Variants in TNKS1BP1 observed in about 807,000 individuals in gnomAD.
TNKS1BP1 encodes 182 kDa tankyrase-1-binding protein.
Under a neutral mutation model 141.1 loss-of-function variants are expected in TNKS1BP1, and 48 were observed. That is an observed-to-expected ratio of 0.34 (90% CI 0.27 to 0.43). The LOEUF is 0.43. Among genes scored for constraint, TNKS1BP1 ranks in the 20% least tolerant of loss-of-function variants. The probability of loss-of-function intolerance (pLI) is 1.00; values close to 1 mark genes in which losing one functional copy is unlikely to be tolerated. For synonymous variants in TNKS1BP1, 875 were observed against 898.2 expected, an observed-to-expected ratio of 0.97 and a Z score of 0.46; for missense variants, 2,149 against 2,226.0, an observed-to-expected ratio of 0.97 and a Z score of 0.70.
At chr11:57,320,018 C>CCCCCCCA in intron 3 of TNKS1BP1, 61 bp downstream of exon 3, 2 of 1,185,434 alleles carry the variant, frequency 1.7e-6, no homozygotes, top group Non-Finnish European at 2.4e-6. Context: ...CCAGCCCCCA[C>CCCCCCCA]CCAATCCCAC....
rs764577456 is a variant in TNKS1BP1, at chr11:57,302,799, G to C, written c.4343C>G (p.Pro1448Arg). Residue 1448 changes from proline (P) to arginine (R), a missense_variant, in exon 7 of 12, where the codon CCA (proline) becomes CGA (arginine). By Grantham distance (103) the Pro-to-Arg change is moderately radical (BLOSUM62 -2). Transcript: ENST00000358252. The surrounding 1 kb of genome is among the most constrained non-coding windows in gnomAD (Gnocchi z 5.5). ...ASPGRCPARPPPSGSQGLLEE... is the reference protein window; with the variant it reads ...ASPGRCPARPRPSGSQGLLEE... ...CAGCAGGCCCTGGGAGCCGGAGGGT[G>C]GGGGGCGGGCCGGGCACCTGCCAGG... The C allele has an allele frequency of 3.3e-5, 51 of 1,545,780 alleles. 1 individual carries two copies. In the Middle Eastern group the frequency reaches 5.1e-4, roughly 15 times the overall value.
chr11:57,323,902 GC>G (rs986756769), intron 1 of TNKS1BP1, among the ~76,000 whole-genome samples: 1 of 152,202 alleles, frequency 6.6e-6, no homozygotes, highest in Non-Finnish European at 1.5e-5. Context: ...GGTATGAGGG[GC>G]TGCAGCAATG....
intron 2 of TNKS1BP1, 44 bp downstream of exon 2, chr11:57,321,748 A>ACCCCCCCCCCCCCCC: frequency 6.0e-6 from 4 of 670,020 alleles, no homozygotes; most frequent in Middle Eastern, 3.0e-4. Context: ...TGTCCTTCCC[A>ACCCCCCCCCCCCCCC]CCCCCCTCCC....
chr11:57,324,207 T>C (rs1342654100), intron 1 of TNKS1BP1, among the ~76,000 whole-genome samples: 1 of 152,048 alleles, frequency 6.6e-6, no homozygotes, highest in Non-Finnish European at 1.5e-5. Context: ...GATCCGAGGC[T>C]AGAGAGGTCG....
chr11:57,323,920 G>C (rs948160545), intron 1 of TNKS1BP1, among the ~76,000 whole-genome samples: 1 of 152,280 alleles, frequency 6.6e-6, no homozygotes, highest in East Asian at 1.9e-4. Flanking sequence ...AATGAAGGCG[G>C]GCTCAGAGTC....
Position 57,321,916 on chromosome 11 carries a change from G to C in TNKS1BP1, c.-31C>G. ...GCGGCAGACCCTCCTTGAGAGCGGGGAGGCAGAGAGGTATGAGCTGGGGTG... is the reference window on the plus strand; with the variant it reads ...GCGGCAGACCCTCCTTGAGAGCGGGCAGGCAGAGAGGTATGAGCTGGGGTG... On this transcript the variant is annotated 5_prime_UTR_variant, in exon 2 of 12. Transcript: ENST00000358252. 13 of 1,613,088 alleles carry C rather than the reference G, an allele frequency of 8.1e-6. No homozygotes were observed. The highest frequency in any genetic ancestry group is 2.2e-5 in the East Asian group (1 of 44,886).
chr11:57,301,952 G>T lies in TNKS1BP1; in HGVS notation c.4835-9C>A, dbSNP rs1461538766. On this transcript the variant is annotated splice_polypyrimidine_tract_variant and intron_variant, in intron 8 of 11. Transcript: ENST00000358252. ...CCGAGATGCCCGTGGCTCTGCAAAG[G>T]CCCGGGAAAGGGGCTCAGAAAAGGC... is the stretch of plus-strand genomic sequence containing the variant. 1.7e-5 allele frequency: 27 copies of T among 1,612,420 alleles called. No individual in the cohort carries two copies. Among genetic ancestry groups the T allele is most frequent in the Non-Finnish European group, 2.2e-5 (26 of 1,179,010 alleles).
At chr11:57,314,791 G>A (rs905145645) in intron 4 of TNKS1BP1, among the ~76,000 whole-genome samples, 1 of 152,068 alleles carries the variant, frequency 6.6e-6, no homozygotes, top group African/African-American at 2.4e-5. Flanking sequence ...CTCTGCAGAG[G>A]TCACACTTCC....
chr11:57,307,075 G>A (rs1343341605), intron 6 of TNKS1BP1, among the ~76,000 whole-genome samples: 2 of 152,160 alleles, frequency 1.3e-5, no homozygotes, highest in African/African-American at 2.4e-5. Flanking sequence ...GCTTCACAGA[G>A]CAGCTGTGAA....
At position 57,321,864 on chromosome 11, in the gene TNKS1BP1, C is replaced by A. The variant is rs1190128863; in HGVS notation, c.22G>T (p.Glu8Ter). 1 of 1,613,720 alleles carries A rather than the reference C, an allele frequency of 6.2e-7. No individual in the cohort carries two copies. The highest frequency in any genetic ancestry group is 1.3e-5 in the African/African-American group (1 of 74,886). Residue 8 changes from glutamate (E) to a stop codon, truncating the protein, a stop_gained, in exon 2 of 12, where the codon GAA (glutamate) becomes TAA (stop). Coordinates refer to ENST00000358252, the MANE Select transcript of TNKS1BP1 (RefSeq NM_033396.3). LOFTEE classifies it high-confidence loss of function. ...AGTGGGGAAGCCATGGCTGAGCTTT[C>A]CCTGAGAGTAGACACTTTCATCACA... MKVSTLR[E>*]SSAMASPLPR...
chr11:57,309,598 C>G lies in TNKS1BP1; in HGVS notation c.3113G>C (p.Gly1038Ala). The G allele has an allele frequency of 6.2e-7, 1 of 1,613,850 alleles. No homozygotes were observed. Among genetic ancestry groups the G allele is most frequent in the East Asian group, 2.2e-5 (1 of 44,878 alleles). The stretch of plus-strand genomic sequence containing the variant: ...GCTCTGGTCTCTCTGCCCGAGTGCC[C>G]CATCCGGCACGTGGGCAGTGCTAGG... ...FSPSTAHVPD[G>A]ALGQRDQSSW... Residue 1038 changes from glycine (G) to alanine (A), a missense_variant, in exon 6 of 12, where the codon GGG becomes GCG. Transcript: ENST00000358252. This position sits in a 1 kb window ranked among gnomAD's most constrained non-coding sequence, Gnocchi z 4.3.
chr11:57,307,361 G>A (rs1277273541), intron 6 of TNKS1BP1, among the ~76,000 whole-genome samples: 1 of 151,970 alleles, frequency 6.6e-6, no homozygotes, highest in African/African-American at 2.4e-5. Context: ...CCTGTGCTCC[G>A]TCACCACCCC....
In TNKS1BP1 at chr11:57,313,500, C is replaced by T. The variant is rs1293656465; in HGVS notation, c.1188G>A (p.Glu396=). Residue 396 remains glutamate (E), a synonymous_variant, in exon 5 of 12, where the codon GAG becomes GAA. Transcript: ENST00000358252. ...GAAACGTCCGAGTGAGATCCAGCAA[C>T]TCACCCACCTCGATCAGGGGCCGGG... is the stretch of plus-strand genomic sequence containing the variant. ...TSPRPLIEVG[E]LLDLTRTFPS... is the part of the protein sequence containing the mutation. The T allele has an allele frequency of 3.2e-6, 5 of 1,573,734 alleles. No individual in the cohort carries two copies. Among genetic ancestry groups the T allele is most frequent in the Non-Finnish European group, 2.6e-6 (3 of 1,158,768 alleles).
At position 57,312,850 on chromosome 11, in the gene TNKS1BP1, G is replaced by A; in HGVS notation, c.1838C>T (p.Pro613Leu). The change falls in exon 5 of 12, where the codon CCC (proline) becomes CTC (leucine). Residue 613 changes from proline to leucine, a missense_variant. Physicochemically the swap from Pro to Leu is moderately conservative, Grantham distance 98. Transcript: ENST00000358252. ...CTGCCCCAGGACTGGCTCCAGGATGGGCAAGGCTGCCTCCCTGGTAGCCAG... is the reference window on the plus strand; with the variant it reads ...CTGCCCCAGGACTGGCTCCAGGATGAGCAAGGCTGCCTCCCTGGTAGCCAG... ...LPLATREAAL[P>L]ILEPVLGQEQ... 1 of 1,610,446 alleles carries A rather than the reference G, an allele frequency of 6.2e-7. No individual in the cohort carries two copies. Among genetic ancestry groups the A allele is most frequent in the African/African-American group, 1.3e-5 (1 of 75,020 alleles).
chr11:57,310,066 C>T lies in TNKS1BP1; in HGVS notation c.2645G>A (p.Ser882Asn). The T allele has an allele frequency of 1.9e-6, 3 of 1,614,232 alleles. No individual in the cohort carries two copies. Among genetic ancestry groups the T allele is most frequent in the Non-Finnish European group, 2.5e-6 (3 of 1,180,030 alleles). Residue 882 changes from serine (S) to asparagine (N), a missense_variant, in exon 6 of 12, where the codon AGC becomes AAC. Physicochemically the swap from Ser to Asn is conservative, Grantham distance 46. Transcript: ENST00000358252. ...CTTCCCAAATTCCCAGTCCCCAAGG[C>T]TTACATCTCGACTACTGTAGGTACC... is the stretch of plus-strand genomic sequence containing the variant. Reference protein sequence around the residue: ...SLGTYSSRDVSLGDWEFGKRD... With the variant: ...SLGTYSSRDVNLGDWEFGKRD...
intron 4 of TNKS1BP1, among the ~76,000 whole-genome samples, chr11:57,315,641 T>C (rs1855787347): frequency 6.6e-6 from 1 of 151,712 alleles, no homozygotes; most frequent in Non-Finnish European, 1.5e-5. Flanking sequence ...TGTTTTAGCA[T>C]CTTCTCCCGT....
chr11:57,301,087 G>A (rs747919226), intron 9 of TNKS1BP1, 46 bp from the exon 10 acceptor site: 2 of 1,540,414 alleles, frequency 1.3e-6, no homozygotes, highest in African/African-American at 2.7e-5. Flanking sequence ...GGGACAGGCA[G>A]TAGGACTCTC....
At chr11:57,316,086 C>T (rs1855794830) in intron 4 of TNKS1BP1, among the ~76,000 whole-genome samples, 1 of 152,196 alleles carries the variant, frequency 6.6e-6, no homozygotes, top group African/African-American at 2.4e-5. Context: ...TGAAACCACT[C>T]CAAACAGGCT....
Position 57,320,163 on chromosome 11 carries a change from G to GTGC in TNKS1BP1, c.641_643dup (p.Ser214dup). ...CTCCTGGGACCATCCCCTGAAGAGG[G>GTGC]TGCTGCCATCCTCATCCCTGGGAGC... On this transcript the variant is annotated inframe_insertion, in exon 3 of 12. Transcript: ENST00000358252. 1 of 1,614,168 alleles carries GTGC rather than the reference G, an allele frequency of 6.2e-7. No individual in the cohort carries two copies. Among genetic ancestry groups the GTGC allele is most frequent in the African/African-American group, 1.3e-5 (1 of 75,032 alleles).
Sources: allele counts gnomAD v4.1 joint callset (sites outside exome capture counted in the v4.1 genomes callset), GRCh38; gene constraint gnomAD v4.1.1; non-coding constraint Gnocchi (gnomAD v3.1); transcripts MANE v1.5; gene names NCBI Gene and HGNC (gene_info 2026-07-23, HGNC 2026-07-21).